Variants in DNAH8 observed in about 807,000 individuals in gnomAD.
DNAH8 encodes axonemal beta dynein heavy chain 8.
Under a neutral mutation model 562.1 loss-of-function variants are expected in DNAH8, and 382 were observed. The ratio of observed to expected loss-of-function variants is 0.68; its 90% CI spans 0.63 to 0.74. The LOEUF is 0.74. Ranked by LOEUF, DNAH8 falls within the 30% of genes least tolerant of loss-of-function variation. The probability of loss-of-function intolerance (pLI) is 0.00; values close to 1 mark genes in which losing one functional copy is unlikely to be tolerated. For synonymous variants in DNAH8, 1,881 were observed against 1,919.4 expected, an observed-to-expected ratio of 0.98 and a Z score of 0.52; for missense variants, 5,203 against 5,620.4, an observed-to-expected ratio of 0.93 and a Z score of 2.37.
chr6:38,850,392 G>T lies in DNAH8; in HGVS notation c.5341G>T (p.Val1781Leu). Residue 1781 changes from valine to leucine, a missense_variant, in exon 38 of 93, where the codon GTA (valine) becomes TTA (leucine). Transcript: ENST00000327475. ...LLPHLHEQLE[V>L]CQKSLTGYLE... Reference sequence around the variant, plus strand: ...ACCTCATTTACATGAGCAGTTGGAAGTATGTCAGAAGTCACTCACAGGGTA... The same window carrying T: ...ACCTCATTTACATGAGCAGTTGGAATTATGTCAGAAGTCACTCACAGGGTA... 2 of 1,613,194 alleles carry T rather than the reference G, an allele frequency of 1.2e-6. No homozygotes were observed. The highest frequency in any genetic ancestry group is 1.7e-6 in the Non-Finnish European group (2 of 1,179,508).
intron 10 of DNAH8, among the ~76,000 whole-genome samples, chr6:38,757,327 A>G (rs1041849438): frequency 1.3e-5 from 2 of 152,066 alleles, no homozygotes; most frequent in Non-Finnish European, 2.9e-5. Context: ...TTCTTTTGAG[A>G]AGTGTCTGTT....
chr6:38,891,773 T>C (rs1445247898), intron 58 of DNAH8, among the ~76,000 whole-genome samples: 1 of 152,254 alleles, frequency 6.6e-6, no homozygotes, highest in Non-Finnish European at 1.5e-5. Flanking sequence ...CTTATATACA[T>C]AGTTCTCTGA....
intron 40 of DNAH8, 37 bp from the exon 41 acceptor site, chr6:38,853,149 A>T (rs746975655): frequency 1.4e-5 from 21 of 1,549,184 alleles, no homozygotes; most frequent in Admixed American, 1.9e-5. Flanking sequence ...ATGCCAAATT[A>T]TTATCAATTT....
chr6:38,845,170 G>A (rs1775183806), intron 35 of DNAH8, among the ~76,000 whole-genome samples: 1 of 152,096 alleles, frequency 6.6e-6, no homozygotes, highest in Non-Finnish European at 1.5e-5. Context: ...CAGAAATATA[G>A]TAATATCTAT....
intron 47 of DNAH8, among the ~76,000 whole-genome samples, chr6:38,867,483 G>T (rs994742260): frequency 1.3e-5 from 2 of 151,860 alleles, no homozygotes; most frequent in Non-Finnish European, 2.9e-5. Flanking sequence ...CGTGGCTCAC[G>T]TCTGTAATCC....
At chr6:38,995,352 T>C (rs1765067174) in intron 88 of DNAH8, among the ~76,000 whole-genome samples, 1 of 152,222 alleles carries the variant, frequency 6.6e-6, no homozygotes, top group Admixed American at 6.5e-5. Flanking sequence ...TATTCATAAA[T>C]AAGAATGGCC....
intron 38 of DNAH8, among the ~76,000 whole-genome samples, chr6:38,850,944 A>G (rs1775693424): frequency 6.6e-6 from 1 of 152,198 alleles, no homozygotes; most frequent in African/African-American, 2.4e-5. Flanking sequence ...AAATAAGGTC[A>G]TGCTTCAGGA....
intron 87 of DNAH8, among the ~76,000 whole-genome samples, chr6:38,986,020 C>CA (rs1273500370): frequency 6.6e-5 from 10 of 152,222 alleles, no homozygotes; most frequent in Non-Finnish European, 1.3e-4. Context: ...GGGTGAGCAC[C>CA]ATGGCATACT....
chr6:38,926,162 T>G lies in DNAH8; in HGVS notation c.11070T>G (p.Thr3690=), dbSNP rs1392457867. The G allele has an allele frequency of 1.2e-6, 2 of 1,613,488 alleles. No individual in the cohort carries two copies. The highest frequency in any genetic ancestry group is 3.3e-5 in the Admixed American group (2 of 59,968). ...TRYPLLIDPQ[T]QGKTWIKSKE... The stretch of plus-strand genomic sequence containing the variant: ...ACCCACTCCTCATAGACCCACAAAC[T>G]CAAGGCAAAACTTGGATTAAATCAA... The change falls in exon 74 of 93, where the codon ACT becomes ACG. Residue 3690 remains threonine (T), a synonymous_variant. Coordinates refer to ENST00000327475, the MANE Select transcript of DNAH8 (RefSeq NM_001206927.2).
At chr6:38,893,847 TATC>T (rs1352467523) in intron 58 of DNAH8, among the ~76,000 whole-genome samples, 1 of 152,226 alleles carries the variant, frequency 6.6e-6, no homozygotes, top group African/African-American at 2.4e-5. Flanking sequence ...TCACCAGAAT[TATC>T]ATTATTTTCA....
intron 74 of DNAH8, among the ~76,000 whole-genome samples, chr6:38,927,547 A>G (rs1486569099): frequency 6.6e-6 from 1 of 152,174 alleles, no homozygotes; most frequent in Non-Finnish European, 1.5e-5. Flanking sequence ...CCACATTTTC[A>G]GGGGTGCACA....
At chr6:38,977,539 A>G (rs972638869) in intron 85 of DNAH8, among the ~76,000 whole-genome samples, 20 of 151,956 alleles carry the variant, frequency 1.3e-4, no homozygotes, top group Non-Finnish European at 5.9e-5. Context: ...CTTAGGAGGG[A>G]AGCTTCTCTC....
rs2150559795 is a variant in DNAH8 at position 38,923,201 on chromosome 6, T to G, written c.10790+16T>G. ...AGATTAATAGGTGGGAATCTGGGTC[T>G]TCTTCATAATCACTCTTTCTTTGTG... On this transcript the variant is annotated intron_variant, in intron 72 of 92. Coordinates refer to ENST00000327475, the MANE Select transcript of DNAH8 (RefSeq NM_001206927.2). The G allele has an allele frequency of 6.2e-7, 1 of 1,611,376 alleles. No homozygotes were observed. Among genetic ancestry groups the G allele is most frequent in the Middle Eastern group, 1.7e-4 (1 of 6,042 alleles).
chr6:38,832,024 C>T (rs1176056665), intron 30 of DNAH8, among the ~76,000 whole-genome samples: 1 of 152,104 alleles, frequency 6.6e-6, no homozygotes, highest in Non-Finnish European at 1.5e-5. Context: ...GCCCCACAGA[C>T]AACATGTGAC....
intron 70 of DNAH8, 73 bp from the exon 71 acceptor site, chr6:38,921,296 T>G: frequency 6.5e-7 from 1 of 1,530,708 alleles, no homozygotes; most frequent in Non-Finnish European, 8.8e-7. Flanking sequence ...ATTATGTGAT[T>G]TGTGTTATCT....
At chr6:38,838,112 C>A in intron 33 of DNAH8, 70 bp downstream of exon 33, 1 of 970,852 alleles carries the variant, frequency 1.0e-6, no homozygotes, top group Non-Finnish European at 1.6e-6. Flanking sequence ...AATCATGTCA[C>A]CATTAAATCC....
chr6:38,943,375 C>A, intron 79 of DNAH8, among the ~76,000 whole-genome samples: 1 of 152,070 alleles, frequency 6.6e-6, no homozygotes, highest in South Asian at 2.1e-4. Flanking sequence ...AAATATGATC[C>A]TTAGATCACA....
chr6:38,939,081 G>T, intron 79 of DNAH8, 93 bp downstream of exon 79: 1 of 950,862 alleles, frequency 1.1e-6, no homozygotes, highest in South Asian at 2.6e-5. Flanking sequence ...TGATACAGTA[G>T]GGAAATGATG....
chr6:38,814,180 A>T (rs759420847), intron 25 of DNAH8, 51 bp downstream of exon 25: 10 of 1,092,134 alleles, frequency 9.2e-6, no homozygotes, highest in Non-Finnish European at 1.3e-5. Flanking sequence ...TAAGAAGTAT[A>T]GTACTAGAAC....
Sources: gnomAD v4.1 joint callset for allele counts (sites outside exome capture counted in the v4.1 genomes callset) on GRCh38, gnomAD v4.1.1 for gene constraint, MANE v1.5 for transcripts, NCBI Gene and HGNC (gene_info 2026-07-23, HGNC 2026-07-21) for gene names.